Variants in PRKCZ observed in about 807,000 individuals in gnomAD.
PRKCZ encodes the protein protein kinase C zeta type.
Under a neutral mutation model 79.5 loss-of-function variants are expected in PRKCZ, and 33 were observed. That is an observed-to-expected ratio of 0.41 (90% CI 0.31 to 0.55). PRKCZ has a LOEUF of 0.55. PRKCZ is among the 20% of genes least tolerant of loss of function. The pLI, the probability that PRKCZ is intolerant of heterozygous loss-of-function variation, is 0.19. For missense variants in PRKCZ, 578 were observed against 813.5 expected, an observed-to-expected ratio of 0.71 and a Z score of 3.52; for synonymous variants, 342 against 320.9, an observed-to-expected ratio of 1.07 and a Z score of -0.70.
At chr1:2,134,260 G>T (rs147425895) in intron 4 of PRKCZ, among the ~76,000 whole-genome samples, 2 of 152,190 alleles carry the variant, frequency 1.3e-5, no homozygotes, top group African/African-American at 2.4e-5. Flanking sequence ...TTTACCATCC[G>T]TGTGGCCTGA....
chr1:2,115,519 GCT>G (rs1222038050), intron 4 of PRKCZ, among the ~76,000 whole-genome samples: 1 of 152,196 alleles, frequency 6.6e-6, no homozygotes, highest in Admixed American at 6.5e-5. Flanking sequence ...TTTCCATTCA[GCT>G]CTGACATCAA....
chr1:2,089,995 G>A lies in PRKCZ; in HGVS notation c.334+30404G>A, dbSNP rs538479279. Reference sequence around the variant, plus strand: ...GGTTCCCGGAGGCCGTGAGGAGCCCGGGCCAGGCCTGTCCCCTTGGCTGGT... The same window carrying A: ...GGTTCCCGGAGGCCGTGAGGAGCCCAGGCCAGGCCTGTCCCCTTGGCTGGT... On this transcript the variant is annotated intron_variant, in intron 4 of 17. Coordinates refer to ENST00000378567, the MANE Select transcript of PRKCZ (RefSeq NM_002744.6). Among the ~76,000 whole-genome samples the A allele has an allele frequency of 3.3e-3, 507 of 152,254 alleles. 1 individual carries two copies. The highest frequency in any genetic ancestry group is 5.4e-3 in the Non-Finnish European group (367 of 68,014).
rs574417291 is a variant in PRKCZ at position 2,161,454 on chromosome 1, C to T, written c.974+5362C>T. 2.0e-5 allele frequency among the ~76,000 whole-genome samples: 3 copies of T among 152,326 alleles called. No individual in the cohort carries two copies. The South Asian group carries it at 6.2e-4, about 32-fold the overall frequency. On this transcript the variant is annotated intron_variant, in intron 10 of 17. Transcript: ENST00000378567. ...CAGCTGCGCATGCATCCTCCCAGAG[C>T]CCTGGGCAGTGAGGGGCCCTCGGGG...
intron 2 of PRKCZ, among the ~76,000 whole-genome samples, 193 bp from the exon 3 acceptor site, chr1:2,056,291 G>C (rs1660152652): frequency 6.6e-6 from 1 of 152,208 alleles, no homozygotes; most frequent in African/African-American, 2.4e-5. Flanking sequence ...CTCTGACGCT[G>C]CACCGGGGGC....
chr1:2,094,608 G>A lies in PRKCZ; in HGVS notation c.334+35017G>A, dbSNP rs538275079. Among the ~76,000 whole-genome samples, 879 of 87,792 alleles carry A rather than the reference G, an allele frequency of 0.01. 18 individuals carry two copies. Among genetic ancestry groups the A allele is most frequent in the Non-Finnish European group, 0.013 (671 of 50,352 alleles). 57.6% of individuals were successfully genotyped at this position (87,792 alleles called of 152,430 possible). A position where few individuals can be genotyped will look rare whatever the true frequency, so the allele number is the denominator to read the frequency against. ...CTGAGGCGCCCGCTGTGCCCGGCTC[G>A]ATGAACCTTGGGCGCTGCCCGTTCT... On this transcript the variant is annotated intron_variant, in intron 4 of 17. Coordinates refer to ENST00000378567, the MANE Select transcript of PRKCZ (RefSeq NM_002744.6). This position sits in a 1 kb window ranked among gnomAD's most constrained non-coding sequence, Gnocchi z 7.3.
In PRKCZ at chr1:2,128,525, C is replaced by A. The variant is rs971902237; in HGVS notation, c.335-6737C>A. Among the ~76,000 whole-genome samples, 6 of 152,194 alleles carry A rather than the reference C, an allele frequency of 3.9e-5. No homozygotes were observed. The highest frequency in any genetic ancestry group is 8.8e-5 in the Non-Finnish European group (6 of 68,032). ...CTGAGCTCCTTAGAATTCCTGTGGCCGTCCTAATTATAGAATCTCAAAGAC... is the reference window on the plus strand; with the variant it reads ...CTGAGCTCCTTAGAATTCCTGTGGCAGTCCTAATTATAGAATCTCAAAGAC... On this transcript the variant is annotated intron_variant, in intron 4 of 17. Coordinates refer to ENST00000378567, the MANE Select transcript of PRKCZ (RefSeq NM_002744.6). This position sits in a 1 kb window ranked among gnomAD's most constrained non-coding sequence, Gnocchi z 6.5.
intron 1 of PRKCZ, among the ~76,000 whole-genome samples, chr1:2,052,065 T>A (rs1200400413): frequency 6.6e-6 from 1 of 152,168 alleles, no homozygotes; most frequent in Non-Finnish European, 1.5e-5. Flanking sequence ...CTATTGGACT[T>A]GTCCAGGGAC....
intron 4 of PRKCZ, among the ~76,000 whole-genome samples, chr1:2,109,875 G>T (rs1222809272): frequency 1.3e-5 from 2 of 152,230 alleles, no homozygotes; most frequent in African/African-American, 4.8e-5. Flanking sequence ...GAGAGGGCCA[G>T]GGCAGTGGGG....
intron 9 of PRKCZ, among the ~76,000 whole-genome samples, chr1:2,151,195 A>G (rs1247385722): frequency 6.6e-6 from 1 of 152,222 alleles, no homozygotes; most frequent in African/African-American, 2.4e-5. Flanking sequence ...CACAGTGTGC[A>G]CTCCACAAAC....
Position 2,127,039 on chromosome 1 carries a change from G to C in PRKCZ, c.335-8223G>C, listed in dbSNP as rs1209753003. Among the ~76,000 whole-genome samples the C allele has an allele frequency of 6.6e-6, 1 of 152,192 alleles. No individual in the cohort carries two copies. The highest frequency in any genetic ancestry group is 1.5e-5 in the Non-Finnish European group (1 of 68,030). On this transcript the variant is annotated intron_variant, in intron 4 of 17. Transcript: ENST00000378567. The surrounding 1 kb of genome is among the most constrained non-coding windows in gnomAD (Gnocchi z 5.1). Reference sequence around the variant, plus strand: ...TTGGCTCCCTGTTCGCCCGACTGGCGCCTCGGCTGTGCCTCTTCTGTCTCT... The same window carrying C: ...TTGGCTCCCTGTTCGCCCGACTGGCCCCTCGGCTGTGCCTCTTCTGTCTCT...
At chr1:2,146,756 A>G (rs1385817701) in intron 7 of PRKCZ, among the ~76,000 whole-genome samples, 3 of 152,204 alleles carry the variant, frequency 2.0e-5, no homozygotes, top group Non-Finnish European at 4.4e-5. Flanking sequence ...TAAAGCACTT[A>G]TGAGACCACA....
intron 4 of PRKCZ, among the ~76,000 whole-genome samples, chr1:2,118,730 TGTGTGTGTGTGTGTGTGTGTGTGTGA>T (rs1330460027): frequency 2.7e-5 from 4 of 147,436 alleles, no homozygotes; most frequent in African/African-American, 1.0e-4. Flanking sequence ...TGTGTGTGTG[TGTGTGTGTGTGTGTGTGTGTGTGTGA>T]GATGAGGGGA....
chr1:2,092,974 C>T (rs762526734), intron 4 of PRKCZ, among the ~76,000 whole-genome samples: 15 of 152,228 alleles, frequency 9.9e-5, no homozygotes, highest in African/African-American at 1.7e-4. Context: ...GTTGCCTCCA[C>T]GATGTCAGCT....
In PRKCZ at chr1:2,128,309, C is replaced by T. The variant is rs978862319; in HGVS notation, c.335-6953C>T. Among the ~76,000 whole-genome samples, 1 of 152,210 alleles carries T rather than the reference C, an allele frequency of 6.6e-6. No individual in the cohort carries two copies. Among genetic ancestry groups the T allele is most frequent in the East Asian group, 1.9e-4 (1 of 5,192 alleles). ...GGGCTGTGCTGGTCACCCTGTGTAG[C>T]GGGGCCATGTCCAGTGAACAGGAGA... is the stretch of plus-strand genomic sequence containing the variant. On this transcript the variant is annotated intron_variant, in intron 4 of 17. Transcript: ENST00000378567. This position sits in a 1 kb window ranked among gnomAD's most constrained non-coding sequence, Gnocchi z 6.5.
intron 4 of PRKCZ, among the ~76,000 whole-genome samples, chr1:2,103,216 C>A (rs547351390): frequency 7.9e-5 from 12 of 152,312 alleles, no homozygotes; most frequent in Middle Eastern, 3.4e-3. Context: ...GTGGGTCTTA[C>A]ACTGTGGACA....
At chr1:2,098,213 CTT>C (rs1666863273) in intron 4 of PRKCZ, 1 of 152,200 alleles carries the variant, frequency 6.6e-6, no homozygotes, top group Non-Finnish European at 1.5e-5. Flanking sequence ...GGAAGTTAAA[CTT>C]TAGAATGAAG....
chr1:2,057,884 T>C (rs1200387315), intron 3 of PRKCZ, among the ~76,000 whole-genome samples: 7 of 152,006 alleles, frequency 4.6e-5, no homozygotes, highest in Admixed American at 3.9e-4. Flanking sequence ...TTTTTTTTTT[T>C]TTAGTTGGAG....
chr1:2,164,890 C>A (rs981141195), intron 10 of PRKCZ, among the ~76,000 whole-genome samples: 3 of 152,130 alleles, frequency 2.0e-5, no homozygotes, highest in African/African-American at 7.2e-5. Flanking sequence ...CACGGCTGCA[C>A]CCTGCCTTGC....
chr1:2,114,719 G>A (rs559352246), intron 4 of PRKCZ, among the ~76,000 whole-genome samples: 1 of 152,132 alleles, frequency 6.6e-6, no homozygotes, highest in South Asian at 2.1e-4. Context: ...GGTGGCAGTG[G>A]GCCGAGATCG....
Sources: allele counts gnomAD v4.1 joint callset (sites outside exome capture counted in the v4.1 genomes callset), GRCh38; gene constraint gnomAD v4.1.1; non-coding constraint Gnocchi (gnomAD v3.1); transcripts MANE v1.5; gene names NCBI Gene and HGNC (gene_info 2026-07-23, HGNC 2026-07-21).